The following ZNF846 variants were observed in gnomAD, a reference collection of about 807,000 sequenced individuals.
The protein encoded by ZNF846 is zinc finger protein 420 pseudogene.
Under a neutral mutation model 16.0 loss-of-function variants are expected in ZNF846, and 15 were observed. The ratio of observed to expected loss-of-function variants is 0.94; its 90% CI spans 0.63 to 1.45. The LOEUF is 1.45. Among genes scored for constraint, ZNF846 ranks in the 40% most tolerant of loss-of-function variants. The pLI, the probability that ZNF846 is intolerant of heterozygous loss-of-function variation, is 0.00. For missense variants in ZNF846, 714 were observed against 622.3 expected (o/e 1.15, Z -1.57); for synonymous variants, 229 against 212.0 (o/e 1.08, Z -0.70).
intron 1 of ZNF846, chr19:9,774,393 G>A (rs376975552): frequency 1.8e-5 from 10 of 556,530 alleles, no homozygotes; most frequent in East Asian, 1.3e-4. Context: ...GCGTGAACCC[G>A]GGAGGTGGAG....
At chr19:9,785,265 T>G (rs1186788027) in intron 1 of ZNF846, among the ~76,000 whole-genome samples, 2 of 146,832 alleles carry the variant, frequency 1.4e-5, no homozygotes, top group Non-Finnish European at 3.0e-5. Context: ...TGGCCCGATC[T>G]CGGCTCACTG....
chr19:9,751,866 C>T (rs2045086233), downstream of ZNF846: 1 of 152,728 alleles, frequency 6.5e-6, no homozygotes. Context: ...CCACCATCTT[C>T]ACTGACTCCT....
chr19:9,754,916 A>T (rs1002942741), downstream of ZNF846, among the ~76,000 whole-genome samples: 4 of 150,356 alleles, frequency 2.7e-5, no homozygotes, highest in Admixed American at 6.6e-5. Flanking sequence ...CCCAGGCTGG[A>T]GTCCAATGGT....
At chr19:9,781,327 T>C (rs1006457544) in intron 1 of ZNF846, among the ~76,000 whole-genome samples, 3 of 152,110 alleles carry the variant, frequency 2.0e-5, no homozygotes, top group Non-Finnish European at 4.4e-5. Context: ...GGTTTCACCA[T>C]GTTGGCCAGG....
downstream of ZNF846, chr19:9,756,697 T>G (rs899669524): frequency 5.5e-5 from 8 of 145,720 alleles, no homozygotes; most frequent in Admixed American, 3.6e-4. Flanking sequence ...CTTGTAGCCT[T>G]TACATTTGTA....
intron 1 of ZNF846, among the ~76,000 whole-genome samples, chr19:9,783,378 G>A (rs912160470): frequency 6.7e-6 from 1 of 148,818 alleles, no homozygotes; most frequent in Admixed American, 6.7e-5. Flanking sequence ...TTACAGACCC[G>A]CATCACCATG....
At chr19:9,772,322 G>A (rs577693951), upstream of ZNF846, among the ~76,000 whole-genome samples, 12 of 152,244 alleles carry the variant, frequency 7.9e-5, no homozygotes, top group South Asian at 2.1e-4. Flanking sequence ...GGTAGAGGCT[G>A]GGCATGGAGG....
At chr19:9,757,394 G>T, downstream of ZNF846, 1 of 1,149,898 alleles carries the variant, frequency 8.7e-7, no homozygotes, top group Non-Finnish European at 1.2e-6. Flanking sequence ...GAAATTCAGT[G>T]AAGGTTGTTC....
exon 6 of ZNF846, chr19:9,752,438 T>C (rs2045091873): frequency 4.8e-6 from 2 of 418,406 alleles, no homozygotes; most frequent in Admixed American, 5.0e-5. Flanking sequence ...TGAAACTTCG[T>C]CTCTACAAAA....
rs932094089 is a variant in ZNF846 at position 9,777,104 on chromosome 19, C to T, written c.-86+8834G>A. On this transcript the variant is annotated intron_variant, in intron 1 of 4. Coordinates refer to the ZNF846 transcript ENST00000586814. Reference sequence around the variant, plus strand: ...ATGTTTAAAACAATTGATTCAGGATCATTAAAAAAAAGAAGAAGAAGAACG... The same window carrying T: ...ATGTTTAAAACAATTGATTCAGGATTATTAAAAAAAAGAAGAAGAAGAACG... Among the ~76,000 whole-genome samples the T allele has an allele frequency of 2.7e-5, 4 of 150,022 alleles. No individual in the cohort carries two copies. In the Admixed American group the frequency reaches 2.7e-4, roughly 10 times the overall value.
exon 6 of ZNF846, chr19:9,757,847 A>C: frequency 6.2e-7 from 1 of 1,613,080 alleles, no homozygotes; most frequent in Non-Finnish European, 8.5e-7. Flanking sequence ...TTACATGTTG[A>C]CTAAGCATTG....
intron 1 of ZNF846, among the ~76,000 whole-genome samples, chr19:9,785,200 ATT>A (rs36014913): frequency 4.1e-4 from 47 of 114,620 alleles, no homozygotes; most frequent in African/African-American, 1.2e-3. Context: ...CTTCACCGAG[ATT>A]TTTTTTTTTT....
In ZNF846 at chr19:9,783,318, A is replaced by G. The variant is rs978903489; in HGVS notation, c.-86+2620T>C. ...CGATCTCAGCTCACTGCAACCTCCAACTCCCAAGTTCAAGCGATTCTCCTG... is the reference window on the plus strand; with the variant it reads ...CGATCTCAGCTCACTGCAACCTCCAGCTCCCAAGTTCAAGCGATTCTCCTG... On this transcript the variant is annotated intron_variant, in intron 1 of 4. Coordinates refer to the ZNF846 transcript ENST00000586814. Among the ~76,000 whole-genome samples the G allele has an allele frequency of 2.2e-5, 3 of 136,632 alleles. No individual in the cohort carries two copies. In the Admixed American group the frequency reaches 2.5e-4, roughly 11 times the overall value. 89.6% of individuals were successfully genotyped at this position (136,632 alleles called of 152,430 possible).
downstream of ZNF846, among the ~76,000 whole-genome samples, chr19:9,754,923 T>C (rs1378338869): frequency 3.3e-5 from 5 of 151,292 alleles, no homozygotes. Flanking sequence ...TGGAGTCCAA[T>C]GGTGCGATTT....
At position 9,764,314 on chromosome 19, in the gene ZNF846, G is replaced by A. The variant is rs568535095; in HGVS notation, c.15+622C>T. Among the ~76,000 whole-genome samples the A allele has an allele frequency of 2.6e-5, 4 of 152,262 alleles. No individual in the cohort carries two copies. The South Asian group carries it at 6.2e-4, about 24-fold the overall frequency. ...TTTCTAACCAGCATTTGTGGCAATT[G>A]TTACTGCTGATTAATATCTTGCTAA... is the stretch of plus-strand genomic sequence containing the variant. On this transcript the variant is annotated intron_variant, in intron 2 of 5. Coordinates refer to ENST00000397902, the Ensembl canonical transcript of ZNF846.
chr19:9,769,748 G>A (rs1379147808), upstream of ZNF846, among the ~76,000 whole-genome samples: 1 of 152,084 alleles, frequency 6.6e-6, no homozygotes, highest in Non-Finnish European at 1.5e-5. Flanking sequence ...AGCCGAGGCG[G>A]GTGGAACACG....
upstream of ZNF846, among the ~76,000 whole-genome samples, chr19:9,769,115 C>G (rs1463061180): frequency 1.3e-5 from 2 of 152,152 alleles, no homozygotes; most frequent in Non-Finnish European, 2.9e-5. Flanking sequence ...GATAAGGCTC[C>G]GGTCTGTCGC....
At chr19:9,785,445 G>C (rs1345960869) in intron 1 of ZNF846, among the ~76,000 whole-genome samples, 1 of 151,410 alleles carries the variant, frequency 6.6e-6, no homozygotes, top group Middle Eastern at 3.4e-3. Context: ...ATCCGCCTGC[G>C]TCAGCCTCCC....
intron 4 of ZNF846, 137 bp from the exon 5 acceptor site, chr19:9,760,079 G>A (rs2045200139): frequency 3.4e-6 from 2 of 581,862 alleles, no homozygotes; most frequent in South Asian, 3.9e-5. Context: ...CTTACCTGAG[G>A]TTAGGAGTTC....
Sources: gnomAD v4.1 joint callset for allele counts (sites outside exome capture counted in the v4.1 genomes callset) on GRCh38, gnomAD v4.1.1 for gene constraint, MANE v1.5 for transcripts, NCBI Gene and HGNC (gene_info 2026-07-23, HGNC 2026-07-21) for gene names.